The following NCOA3 variants were observed in gnomAD, a reference collection of about 807,000 sequenced individuals.
NCOA3 encodes the protein CBP-interacting protein.
A neutral mutation model predicts 158.8 loss-of-function variants in NCOA3; 51 were observed. The ratio of observed to expected loss-of-function variants is 0.32; its 90% CI spans 0.26 to 0.41. The LOEUF (loss-of-function observed/expected upper bound fraction) is 0.41. Among genes scored for constraint, NCOA3 ranks in the 10% least tolerant of loss-of-function variants. The probability of loss-of-function intolerance (pLI) is 1.00; values close to 1 mark genes in which losing one functional copy is unlikely to be tolerated. For missense variants in NCOA3, 1,510 were observed against 1,746.6 expected (o/e 0.86, Z 2.41); for synonymous variants, 537 against 592.4 (o/e 0.91, Z 1.36).
chr20:47,542,714 C>T (rs1014088391), intron 1 of NCOA3, among the ~76,000 whole-genome samples: 2 of 152,126 alleles, frequency 1.3e-5, no homozygotes, highest in Non-Finnish European at 2.9e-5. Flanking sequence ...ATAGTCCCAG[C>T]GCTTTGGGAA....
intron 2 of NCOA3, among the ~76,000 whole-genome samples, chr20:47,604,136 T>C (rs1390814188): frequency 6.6e-6 from 1 of 152,224 alleles, no homozygotes; most frequent in African/African-American, 2.4e-5. Flanking sequence ...TGTCTGTAAA[T>C]GGTACAGTTC....
intron 2 of NCOA3, among the ~76,000 whole-genome samples, chr20:47,603,469 A>G (rs2085896466): frequency 6.6e-6 from 1 of 152,228 alleles, no homozygotes; most frequent in African/African-American, 2.4e-5. Flanking sequence ...CCAAGTAGGC[A>G]TGTGTTACAG....
intron 2 of NCOA3, among the ~76,000 whole-genome samples, chr20:47,615,509 G>C (rs1348409197): frequency 6.6e-6 from 1 of 152,114 alleles, no homozygotes; most frequent in Non-Finnish European, 1.5e-5. Flanking sequence ...ATAACCAAAA[G>C]GAAAGCTGAT....
chr20:47,522,099 C>CTTTTTTTTTTT lies in NCOA3; in HGVS notation c.-99+20093_-99+20103dup, dbSNP rs772811888. 5.3e-4 allele frequency among the ~76,000 whole-genome samples: 41 copies of CTTTTTTTTTTT among 76,836 alleles called. 5 individuals carry two copies. Among genetic ancestry groups the CTTTTTTTTTTT allele is most frequent in the African/African-American group, 2.1e-3 (41 of 19,076 alleles). The allele number at this position is 76,836 out of a possible 152,430, so 50.4% of individuals were successfully genotyped here. ...GTTTTGTAGTTACCATTGTACAGATCTTTTTTTTTTTTTTTTTTTTTTTGA... is the reference window on the plus strand; with the variant it reads ...GTTTTGTAGTTACCATTGTACAGATCTTTTTTTTTTTTTTTTTTTTTTTTTTTTTTTTTTGA... On this transcript the variant is annotated intron_variant, in intron 1 of 22. Transcript: ENST00000371998.
chr20:47,501,954 G>C lies in NCOA3; in HGVS notation c.-164G>C, dbSNP rs1248647619. On this transcript the variant is annotated 5_prime_UTR_variant, in exon 1 of 23. Coordinates refer to ENST00000371998, the MANE Select transcript of NCOA3 (RefSeq NM_181659.3). The stretch of plus-strand genomic sequence containing the variant: ...GCGGCTTAGTCGGTGGCGGCCGGCG[G>C]CGGCTGCGGGCTGAGCGGCGAGTTT... 2.5e-6 allele frequency: 1 copy of C among 400,210 alleles called. No homozygotes were observed. The highest frequency in any genetic ancestry group is 2.1e-5 in the African/African-American group (1 of 48,648). The allele number at this position is 400,210 out of a possible 1,614,324, so 24.8% of individuals were successfully genotyped here.
chr20:47,652,430 C>G lies in NCOA3; in HGVS notation c.3971C>G (p.Ala1324Gly). 6.2e-7 allele frequency: 1 copy of G among 1,607,426 alleles called. No individual in the cohort carries two copies. The highest frequency in any genetic ancestry group is 8.5e-7 in the Non-Finnish European group (1 of 1,174,458). Residue 1324 changes from alanine (A) to glycine (G), a missense_variant, in exon 21 of 23, where the codon GCC becomes GGC. Coordinates refer to ENST00000371998, the MANE Select transcript of NCOA3 (RefSeq NM_181659.3). ...NYGMGQQPDPAFGRVSSPPNA... is the reference protein window; with the variant it reads ...NYGMGQQPDPGFGRVSSPPNA... ...GGAATGGGACAACAACCAGATCCAG[C>G]CTTTGGTCGAGTGTCTAGTCCTCCC...
At position 47,522,186 on chromosome 20, in the gene NCOA3, T is replaced by C. The variant is rs1357425898; in HGVS notation, c.-99+20167T>C. Among the ~76,000 whole-genome samples, 6 of 138,064 alleles carry C rather than the reference T, an allele frequency of 4.3e-5. No individual in the cohort carries two copies. The East Asian group carries it at 6.9e-4, about 16-fold the overall frequency. 90.6% of individuals were successfully genotyped at this position (138,064 alleles called of 152,430 possible). A position where few individuals can be genotyped will look rare whatever the true frequency, so the allele number is the denominator to read the frequency against. On this transcript the variant is annotated intron_variant, in intron 1 of 22. Coordinates refer to ENST00000371998, the MANE Select transcript of NCOA3 (RefSeq NM_181659.3). ...GGAGCGATCTCGGTTCACTGCAAGC[T>C]CCGCCTCACTGGTTCACGCCATTCT... is the stretch of plus-strand genomic sequence containing the variant.
intron 1 of NCOA3, among the ~76,000 whole-genome samples, chr20:47,582,517 CTT>C (rs1439216965): frequency 2.0e-5 from 3 of 149,604 alleles, no homozygotes; most frequent in Admixed American, 1.3e-4. Context: ...CTGGCCCTGA[CTT>C]TTGTTTTTTA....
At chr20:47,653,202 G>GA in intron 22 of NCOA3, 130 bp downstream of exon 22, 4 of 1,279,884 alleles carry the variant, frequency 3.1e-6, no homozygotes, top group Non-Finnish European at 3.2e-6. Context: ...TATAGTAATT[G>GA]AAAAAACTTG....
intron 1 of NCOA3, among the ~76,000 whole-genome samples, chr20:47,525,624 A>C (rs1261864550): frequency 2.5e-4 from 22 of 89,138 alleles, no homozygotes; most frequent in African/African-American, 6.6e-4. Flanking sequence ...TGACCCCCCC[A>C]CCTCCCTCCC....
chr20:47,518,879 T>C (rs1209474322), intron 1 of NCOA3, among the ~76,000 whole-genome samples: 2 of 152,134 alleles, frequency 1.3e-5, no homozygotes, highest in Non-Finnish European at 2.9e-5. Context: ...CTCACGCCTG[T>C]AACTCCAGCA....
At chr20:47,585,999 C>T (rs2085530137) in intron 2 of NCOA3, among the ~76,000 whole-genome samples, 1 of 150,338 alleles carries the variant, frequency 6.7e-6, no homozygotes, top group Non-Finnish European at 1.5e-5. Context: ...TGTTTCACTG[C>T]AACCTCCACT....
intron 1 of NCOA3, among the ~76,000 whole-genome samples, chr20:47,558,145 C>G (rs1189234963): frequency 2.0e-5 from 3 of 151,194 alleles, no homozygotes; most frequent in Admixed American, 1.3e-4. Context: ...GCAACCTCCC[C>G]CTGCTAGGTT....
intron 2 of NCOA3, among the ~76,000 whole-genome samples, chr20:47,586,848 A>G (rs980821728): frequency 5.9e-5 from 9 of 152,206 alleles, no homozygotes; most frequent in Non-Finnish European, 1.0e-4. Flanking sequence ...TGCATCCGCA[A>G]TGTGATACTC....
intron 12 of NCOA3, 116 bp downstream of exon 12, chr20:47,636,878 T>G (rs181824255): frequency 1.8e-5 from 17 of 931,628 alleles, no homozygotes; most frequent in Non-Finnish European, 2.7e-5. Flanking sequence ...TCTTTAGCTC[T>G]CATTTCTTTA....
intron 2 of NCOA3, among the ~76,000 whole-genome samples, chr20:47,585,004 G>A (rs2085512565): frequency 6.8e-6 from 1 of 146,184 alleles, no homozygotes; most frequent in Admixed American, 6.8e-5. Context: ...TCCCCAGATT[G>A]CTTGTGCTGG....
chr20:47,642,082 A>G, intron 16 of NCOA3, 131 bp from the exon 17 acceptor site: 1 of 725,836 alleles, frequency 1.4e-6, no homozygotes, highest in Non-Finnish European at 2.2e-6. Context: ...CTTTTTTACC[A>G]CTTGGTTTAT....
intron 1 of NCOA3, among the ~76,000 whole-genome samples, chr20:47,524,282 G>T (rs934286860): frequency 6.6e-6 from 1 of 152,062 alleles, no homozygotes; most frequent in African/African-American, 2.4e-5. Context: ...TAACATACCT[G>T]TTTCCCTGAA....
At chr20:47,545,135 C>CTT (rs113576815) in intron 1 of NCOA3, among the ~76,000 whole-genome samples, 30 of 112,510 alleles carry the variant, frequency 2.7e-4, no homozygotes, top group African/African-American at 7.5e-4. Flanking sequence ...AGCAATGTAG[C>CTT]TTTTTTTTTT....
Sources: gnomAD v4.1 joint callset for allele counts (sites outside exome capture counted in the v4.1 genomes callset) on GRCh38, gnomAD v4.1.1 for gene constraint, MANE v1.5 for transcripts, NCBI Gene and HGNC (gene_info 2026-07-23, HGNC 2026-07-21) for gene names.